The following PPP1R13B variants were observed in gnomAD, a reference collection of about 807,000 sequenced individuals.
PPP1R13B encodes protein phosphatase 1 regulatory subunit 13B.
PPP1R13B carries 44 observed loss-of-function variants against 119.8 expected under a neutral mutation model. The observed-to-expected ratio is 0.37, with a 90% confidence interval of 0.29 to 0.47. PPP1R13B has a LOEUF of 0.47. Ranked by LOEUF, PPP1R13B falls within the 20% of genes least tolerant of loss-of-function variation. PPP1R13B has a pLI of 0.99. For synonymous variants in PPP1R13B, 542 were observed against 561.5 expected, an observed-to-expected ratio of 0.97 and a Z score of 0.49; for missense variants, 1,227 against 1,413.5, an observed-to-expected ratio of 0.87 and a Z score of 2.12.
intron 4 of PPP1R13B, 136 bp from the exon 5 acceptor site, chr14:103,757,887 G>T (rs566236871): frequency 2.1e-4 from 118 of 570,124 alleles, no homozygotes; most frequent in African/African-American, 1.9e-3. Flanking sequence ...TTATTTTCTT[G>T]TAAGAACTTT....
chr14:103,740,268 G>T lies in PPP1R13B; in HGVS notation c.2148C>A (p.Gly716=). The T allele has an allele frequency of 1.2e-6, 2 of 1,601,376 alleles. No individual in the cohort carries two copies. Among genetic ancestry groups the T allele is most frequent in the Non-Finnish European group, 1.7e-6 (2 of 1,173,374 alleles). ...GCTTCTGGATGTTGGGCCCGCCGGG[G>T]CCCTCGGGCTCTGTGATGGAGCTGC... ...KKRSSITEPE[G]PGGPNIQKLL... is the part of the protein sequence containing the mutation. Residue 716 remains glycine, a synonymous_variant, in exon 12 of 17, where the codon GGC becomes GGA. Coordinates refer to ENST00000202556, the MANE Select transcript of PPP1R13B (RefSeq NM_015316.3). The surrounding 1 kb of genome is among the most constrained non-coding windows in gnomAD (Gnocchi z 4.6).
rs761059448 is a variant in PPP1R13B, at chr14:103,733,465, C to T, written c.*1689G>A. 1 of 160,310 alleles carries T rather than the reference C, an allele frequency of 6.2e-6. No individual in the cohort carries two copies. Among genetic ancestry groups the T allele is most frequent in the Non-Finnish European group, 1.4e-5 (1 of 72,898 alleles). The allele number at this position is 160,310 out of a possible 1,614,324, so 9.9% of individuals were successfully genotyped here. ...TCTAATAGCCAGTTTACAGCACTTGCCTTAGCCTGTTTCACAGACTTGTCC... is the reference window on the plus strand; with the variant it reads ...TCTAATAGCCAGTTTACAGCACTTGTCTTAGCCTGTTTCACAGACTTGTCC... On this transcript the variant is annotated 3_prime_UTR_variant, in exon 17 of 17. Coordinates refer to ENST00000202556, the MANE Select transcript of PPP1R13B (RefSeq NM_015316.3).
At chr14:103,802,234 G>A (rs570926670) in intron 1 of PPP1R13B, among the ~76,000 whole-genome samples, 38 of 152,168 alleles carry the variant, frequency 2.5e-4, no homozygotes, top group Admixed American at 5.9e-4. Context: ...GCGTGAACCC[G>A]GGAGGCGGAG....
chr14:103,803,218 TA>T (rs1332790248), intron 1 of PPP1R13B, among the ~76,000 whole-genome samples: 3 of 152,164 alleles, frequency 2.0e-5, no homozygotes, highest in Non-Finnish European at 4.4e-5. Context: ...TGACACAATT[TA>T]ATGGGTAGCA....
At chr14:103,743,542 AACAC>A (rs2084311183) in intron 9 of PPP1R13B, among the ~76,000 whole-genome samples, 1 of 152,236 alleles carries the variant, frequency 6.6e-6, no homozygotes, top group African/African-American at 2.4e-5. Context: ...AGTCCATTAT[AACAC>A]AGGCTCCTGG....
Position 103,794,500 on chromosome 14 carries a change from GTTT to G in PPP1R13B, c.157+2868_157+2870del, listed in dbSNP as rs548679108. ...CACCACCATGCCCAGCTAATTTTTTGTTTTTTTAGTAGAGACAGGGTTTCACCA... is the reference window on the plus strand; with the variant it reads ...CACCACCATGCCCAGCTAATTTTTTGTTTTAGTAGAGACAGGGTTTCACCA... On this transcript the variant is annotated intron_variant, in intron 2 of 16. Coordinates refer to ENST00000202556, the MANE Select transcript of PPP1R13B (RefSeq NM_015316.3). 3 of 261,610 alleles carry G rather than the reference GTTT, an allele frequency of 1.1e-5. No homozygotes were observed. The East Asian group carries it at 3.7e-4, about 32-fold the overall frequency. The allele number at this position is 261,610 out of a possible 1,614,324, so 16.2% of individuals were successfully genotyped here.
intron 4 of PPP1R13B, 102 bp from the exon 5 acceptor site, chr14:103,757,853 G>A: frequency 2.3e-6 from 2 of 869,702 alleles, no homozygotes; most frequent in Non-Finnish European, 3.6e-6. Context: ...AGGATCCCTA[G>A]TAGTGAGGAG....
rs560720011 is a variant in PPP1R13B, at chr14:103,813,886, A to C, written c.10-16368T>G. Among the ~76,000 whole-genome samples the C allele has an allele frequency of 3.3e-5, 5 of 152,332 alleles. 1 individual carries two copies. In the South Asian group the frequency reaches 1.0e-3, roughly 32 times the overall value. ...ACCTACCAGGACTTCCATAAAACTA[A>C]ATGAAAAGTCACTGCACTAGGGAAA... On this transcript the variant is annotated intron_variant, in intron 1 of 16. Coordinates refer to ENST00000202556, the MANE Select transcript of PPP1R13B (RefSeq NM_015316.3).
chr14:103,832,182 T>C (rs1254412943), intron 1 of PPP1R13B, among the ~76,000 whole-genome samples: 1 of 152,194 alleles, frequency 6.6e-6, no homozygotes, highest in Non-Finnish European at 1.5e-5. Flanking sequence ...TCTACATCAT[T>C]GATATTATTT....
At chr14:103,848,483 A>T (rs1167262162), upstream of PPP1R13B, 2 of 985,312 alleles carry the variant, frequency 2.0e-6, no homozygotes, top group Admixed American at 1.2e-4. Context: ...GGCCCCCCAC[A>T]TGGTGCCATT....
intron 1 of PPP1R13B, among the ~76,000 whole-genome samples, chr14:103,845,798 C>T (rs576224970): frequency 2.6e-5 from 4 of 152,252 alleles, no homozygotes; most frequent in South Asian, 2.1e-4. Flanking sequence ...ACCATAATGC[C>T]TTTCATCAAA....
At chr14:103,796,669 G>A (rs957687619) in intron 2 of PPP1R13B, among the ~76,000 whole-genome samples, 1 of 152,048 alleles carries the variant, frequency 6.6e-6, no homozygotes, top group Non-Finnish European at 1.5e-5. Context: ...ACAAAAACTT[G>A]TACATTGTCA....
chr14:103,763,172 T>C (rs1402580209), intron 4 of PPP1R13B: 2 of 603,308 alleles, frequency 3.3e-6, no homozygotes, highest in Admixed American at 3.0e-5. Context: ...TGGACCCGGA[T>C]TTCAGAAACA....
intron 15 of PPP1R13B, 103 bp downstream of exon 15, chr14:103,737,591 C>A (rs1047657564): frequency 1.0e-5 from 14 of 1,398,584 alleles, no homozygotes; most frequent in African/African-American, 1.4e-5. Context: ...TTAAAAAAAA[C>A]AAACAGAAAG....
In PPP1R13B at chr14:103,814,424, G is replaced by A. The variant is rs560700972; in HGVS notation, c.10-16906C>T. Among the ~76,000 whole-genome samples, 9 of 152,232 alleles carry A rather than the reference G, an allele frequency of 5.9e-5. 1 individual carries two copies. In the South Asian group the frequency reaches 1.5e-3, roughly 25 times the overall value. On this transcript the variant is annotated intron_variant, in intron 1 of 16. Coordinates refer to ENST00000202556, the MANE Select transcript of PPP1R13B (RefSeq NM_015316.3). ...CTGAACTAATAAATACTAGAGTCAGGATTTAACCCTGGCCTGTGTGACTCC... is the reference window on the plus strand; with the variant it reads ...CTGAACTAATAAATACTAGAGTCAGAATTTAACCCTGGCCTGTGTGACTCC...
In PPP1R13B at chr14:103,735,173, C is replaced by T. The variant is rs548424756; in HGVS notation, c.3254G>A (p.Arg1085Gln). Residue 1085 changes from arginine (R) to glutamine (Q), a missense_variant, in exon 17 of 17, where the codon CGA (arginine) becomes CAA (glutamine). Arg to Gln is a conservative substitution (Grantham distance 43, BLOSUM62 1). Transcript: ENST00000202556. The stretch of plus-strand genomic sequence containing the variant: ...GGAAGTTCAGGCGAGTGTTCGCTGT[C>T]GGGGTTTGATCCGTGGATACAGCTG... ...LLGLYPRIKP[R>Q]QRTLA is the part of the protein sequence containing the mutation. 37 of 1,614,130 alleles carry T rather than the reference C, an allele frequency of 2.3e-5. No individual in the cohort carries two copies. The highest frequency in any genetic ancestry group is 4.0e-5 in the African/African-American group (3 of 75,030).
intron 12 of PPP1R13B, chr14:103,739,290 C>G: frequency 2.2e-6 from 1 of 458,722 alleles, no homozygotes; most frequent in East Asian, 3.3e-5. Flanking sequence ...CTTCTGGCCA[C>G]TCCTCGGAAG....
chr14:103,846,081 C>G (rs1174153244), intron 1 of PPP1R13B, among the ~76,000 whole-genome samples: 1 of 152,168 alleles, frequency 6.6e-6, no homozygotes, highest in Non-Finnish European at 1.5e-5. Context: ...CGTTTCACCC[C>G]AGATCTTCTG....
chr14:103,808,636 C>A, intron 1 of PPP1R13B, among the ~76,000 whole-genome samples: 1 of 152,022 alleles, frequency 6.6e-6, no homozygotes, highest in South Asian at 2.1e-4. Flanking sequence ...TCAGCACTAC[C>A]CCCTTCCCCT....
Sources: allele counts gnomAD v4.1 joint callset (sites outside exome capture counted in the v4.1 genomes callset), GRCh38; gene constraint gnomAD v4.1.1; non-coding constraint Gnocchi (gnomAD v3.1); transcripts MANE v1.5; gene names NCBI Gene and HGNC (gene_info 2026-07-23, HGNC 2026-07-21).